Variants in DPYSL2 observed in about 807,000 individuals in gnomAD.
DPYSL2 encodes dihydropyrimidinase like 2, also known as dihydropyrimidinase-related protein 2.
A neutral mutation model predicts 69.9 loss-of-function variants in DPYSL2; 13 were observed. The ratio of observed to expected loss-of-function variants is 0.19; its 90% CI spans 0.12 to 0.30. The LOEUF is 0.30. Among genes scored for constraint, DPYSL2 ranks in the 10% least tolerant of loss-of-function variants. The pLI is 1.00. For synonymous variants in DPYSL2, 326 were observed against 359.1 expected, an observed-to-expected ratio of 0.91 and a Z score of 1.04; for missense variants, 587 against 918.9, an observed-to-expected ratio of 0.64 and a Z score of 4.67.
At chr8:26,628,952 A>G (rs1802677222) in intron 7 of DPYSL2, among the ~76,000 whole-genome samples, 1 of 152,132 alleles carries the variant, frequency 6.6e-6, no homozygotes, top group African/African-American at 2.4e-5. Context: ...AAGGAAGTGG[A>G]TTCAGGAGGG....
At chr8:26,577,221 C>T (rs1801369938) in intron 1 of DPYSL2, 1 of 419,938 alleles carries the variant, frequency 2.4e-6, no homozygotes, top group African/African-American at 2.2e-5. Flanking sequence ...TCCCCCCGGC[C>T]CGCGCCCATT....
Position 26,587,339 on chromosome 8 carries a change from CT to C in DPYSL2, c.628+3357del, listed in dbSNP as rs1189365687. ...GAAGTGAATTGGTACAAAAATCTCCCTCTTCCTCCCAACTCCCCGCCACCCC... is the reference window on the plus strand; with the variant it reads ...GAAGTGAATTGGTACAAAAATCTCCCCTTCCTCCCAACTCCCCGCCACCCC... On this transcript the variant is annotated intron_variant, in intron 3 of 13. Coordinates refer to ENST00000521913, the MANE Select transcript of DPYSL2 (RefSeq NM_001197293.3). The surrounding 1 kb of genome is among the most constrained non-coding windows in gnomAD (Gnocchi z 4.2). 1.3e-5 allele frequency among the ~76,000 whole-genome samples: 2 copies of C among 152,186 alleles called. No homozygotes were observed. The highest frequency in any genetic ancestry group is 6.5e-5 in the Admixed American group (1 of 15,278).
chr8:26,566,242 G>A, intron 1 of DPYSL2, among the ~76,000 whole-genome samples: 1 of 152,180 alleles, frequency 6.6e-6, no homozygotes, highest in East Asian at 1.9e-4. Context: ...AAGTCAGACA[G>A]ATCTTAGAGG....
chr8:26,588,633 G>A lies in DPYSL2; in HGVS notation c.628+4650G>A, dbSNP rs1324919381. Among the ~76,000 whole-genome samples the A allele has an allele frequency of 2.6e-5, 4 of 152,084 alleles. No homozygotes were observed. Among genetic ancestry groups the A allele is most frequent in the Non-Finnish European group, 5.9e-5 (4 of 68,020 alleles). ...GATGGGGACTGGACTCTAGCAGGGA[G>A]GAGGAGGGGAGGTGCTGCTGCCGCA... On this transcript the variant is annotated intron_variant, in intron 3 of 13. Transcript: ENST00000521913. The surrounding 1 kb of genome is among the most constrained non-coding windows in gnomAD (Gnocchi z 5.4).
rs1374644676 is a variant in DPYSL2, at chr8:26,647,907, A to T, written c.1596+107A>T. ...CTAAAAAGAACTTGCTGTGATGGGA[A>T]TGCGCTCGACTGAGGATGTTATGAT... On this transcript the variant is annotated intron_variant, in intron 11 of 13. Transcript: ENST00000521913. This position sits in a 1 kb window ranked among gnomAD's most constrained non-coding sequence, Gnocchi z 5.1. 2.2e-6 allele frequency: 3 copies of T among 1,345,140 alleles called. No homozygotes were observed. Among genetic ancestry groups the T allele is most frequent in the Non-Finnish European group, 2.0e-6 (2 of 990,528 alleles). The allele number at this position is 1,345,140 out of a possible 1,614,324, so 83.3% of individuals were successfully genotyped here.
chr8:26,572,658 C>T (rs1411411483), intron 1 of DPYSL2, among the ~76,000 whole-genome samples: 1 of 152,150 alleles, frequency 6.6e-6, no homozygotes. Flanking sequence ...CCCTACCACG[C>T]CCAGCTAGTT....
intron 1 of DPYSL2, among the ~76,000 whole-genome samples, chr8:26,523,839 C>G (rs1405853679): frequency 6.6e-6 from 1 of 152,018 alleles, no homozygotes; most frequent in African/African-American, 2.4e-5. Context: ...AATTTCTTTC[C>G]TTTTTAAGGC....
Position 26,640,287 on chromosome 8 carries a change from C to T in DPYSL2, c.1127-3152C>T, listed in dbSNP as rs188537823. Reference sequence around the variant, plus strand: ...GCTCCCATCCCCTGCAGTTCTTGGCCTTATAGAGAGCCTGCCAGAGGCTGG... The same window carrying T: ...GCTCCCATCCCCTGCAGTTCTTGGCTTTATAGAGAGCCTGCCAGAGGCTGG... On this transcript the variant is annotated intron_variant, in intron 8 of 13. Transcript: ENST00000521913. The surrounding 1 kb of genome is among the most constrained non-coding windows in gnomAD (Gnocchi z 4.2). 5.0e-4 allele frequency among the ~76,000 whole-genome samples: 76 copies of T among 152,308 alleles called. No homozygotes were observed. Among genetic ancestry groups the T allele is most frequent in the African/African-American group, 1.7e-3 (72 of 41,562 alleles).
At chr8:26,595,145 C>T (rs1302704992) in intron 3 of DPYSL2, among the ~76,000 whole-genome samples, 2 of 150,892 alleles carry the variant, frequency 1.3e-5, no homozygotes, top group Non-Finnish European at 2.9e-5. Context: ...ATTGCTTGAG[C>T]CCCAGAGTTT....
Position 26,658,045 on chromosome 8 carries a change from T to C in DPYSL2, c.*2339T>C, listed in dbSNP as rs1803433069. The C allele has an allele frequency of 6.6e-6, 1 of 151,184 alleles. No individual in the cohort carries two copies. Among genetic ancestry groups the C allele is most frequent in the African/African-American group, 2.4e-5 (1 of 41,094 alleles). 9.4% of individuals were successfully genotyped at this position (151,184 alleles called of 1,614,324 possible). On this transcript the variant is annotated 3_prime_UTR_variant, in exon 14 of 14. Coordinates refer to ENST00000521913, the MANE Select transcript of DPYSL2 (RefSeq NM_001197293.3). The surrounding 1 kb of genome is among the most constrained non-coding windows in gnomAD (Gnocchi z 4.7). ...TAAAGTGTGTAGCCAGAAGAGTACT[T>C]TTTTTTTTGTAACCACTGTCTTGAT...
chr8:26,529,833 G>A (rs1360183343), intron 1 of DPYSL2, among the ~76,000 whole-genome samples: 4 of 150,714 alleles, frequency 2.7e-5, no homozygotes, highest in South Asian at 2.1e-4. Context: ...AACTGGGGCC[G>A]GGCACGGTGG....
In DPYSL2 at chr8:26,641,129, T is replaced by C. The variant is rs1803031424; in HGVS notation, c.1127-2310T>C. 1.3e-5 allele frequency among the ~76,000 whole-genome samples: 2 copies of C among 152,154 alleles called. No homozygotes were observed. Among genetic ancestry groups the C allele is most frequent in the South Asian group, 4.1e-4 (2 of 4,826 alleles). ...ACCAGCCCCTCCTTGTACTTAAGTTTCTAGAGGCAGGGCCGAGGAGCAGGC... is the reference window on the plus strand; with the variant it reads ...ACCAGCCCCTCCTTGTACTTAAGTTCCTAGAGGCAGGGCCGAGGAGCAGGC... On this transcript the variant is annotated intron_variant, in intron 8 of 13. Coordinates refer to ENST00000521913, the MANE Select transcript of DPYSL2 (RefSeq NM_001197293.3). This position sits in a 1 kb window ranked among gnomAD's most constrained non-coding sequence, Gnocchi z 4.1.
intron 3 of DPYSL2, among the ~76,000 whole-genome samples, chr8:26,612,953 G>A (rs1802267836): frequency 6.6e-6 from 1 of 152,224 alleles, no homozygotes; most frequent in African/African-American, 2.4e-5. Context: ...TGCCTACCTT[G>A]TTTGAGCATC....
chr8:26,530,604 A>G (rs1352310306), intron 1 of DPYSL2, among the ~76,000 whole-genome samples: 1 of 152,162 alleles, frequency 6.6e-6, no homozygotes, highest in Non-Finnish European at 1.5e-5. Context: ...CATGATCACC[A>G]GTCATTTCTT....
chr8:26,518,575 G>C (rs1808331712), intron 1 of DPYSL2, among the ~76,000 whole-genome samples: 1 of 152,132 alleles, frequency 6.6e-6, no homozygotes, highest in South Asian at 2.1e-4. Flanking sequence ...CAAAGCTGAA[G>C]TTCTGTACCC....
In DPYSL2 at chr8:26,514,913, GGTGGGGC is replaced by G. The variant is rs1808252044; in HGVS notation, c.354+240_354+246del. Among the ~76,000 whole-genome samples the G allele has an allele frequency of 6.6e-6, 1 of 152,226 alleles. No individual in the cohort carries two copies. The highest frequency in any genetic ancestry group is 2.4e-5 in the African/African-American group (1 of 41,466). The stretch of plus-strand genomic sequence containing the variant: ...TGCCCGCGTCTCCTTGAGCTTGAGA[GGTGGGGC>G]GTGGGCATAGGGAATGGGCTGATCC... On this transcript the variant is annotated intron_variant, in intron 1 of 13. Coordinates refer to ENST00000521913, the MANE Select transcript of DPYSL2 (RefSeq NM_001197293.3). This position sits in a 1 kb window ranked among gnomAD's most constrained non-coding sequence, Gnocchi z 8.4.
chr8:26,529,498 G>C (rs1438772913), intron 1 of DPYSL2, among the ~76,000 whole-genome samples: 3 of 151,714 alleles, frequency 2.0e-5, no homozygotes, highest in East Asian at 3.9e-4. Flanking sequence ...TTAATTTTTT[G>C]TAGAGACATG....
At chr8:26,622,167 C>CTTTCTT (rs1554544294) in intron 3 of DPYSL2, among the ~76,000 whole-genome samples, 3 of 74,764 alleles carry the variant, frequency 4.0e-5, no homozygotes, top group African/African-American at 9.4e-5. Flanking sequence ...CCCTCTCTCT[C>CTTTCTT]TCTTTCTTTC....
rs1041168927 is a variant in DPYSL2, at chr8:26,516,303, T to A, written c.354+1624T>A. Among the ~76,000 whole-genome samples, 1 of 152,160 alleles carries A rather than the reference T, an allele frequency of 6.6e-6. No individual in the cohort carries two copies. Among genetic ancestry groups the A allele is most frequent in the Admixed American group, 6.5e-5 (1 of 15,282 alleles). ...TAACTTATACTGAAAGCTGAGTGAG[T>A]GTGTGTGAAACACTTCCCTGTGTGA... On this transcript the variant is annotated intron_variant, in intron 1 of 13. Coordinates refer to ENST00000521913, the MANE Select transcript of DPYSL2 (RefSeq NM_001197293.3). The surrounding 1 kb of genome is among the most constrained non-coding windows in gnomAD (Gnocchi z 4.8).
Sources: gnomAD v4.1 joint callset for allele counts (sites outside exome capture counted in the v4.1 genomes callset) on GRCh38, gnomAD v4.1.1 for gene constraint, Gnocchi (gnomAD v3.1) non-coding constraint, MANE v1.5 for transcripts, NCBI Gene and HGNC (gene_info 2026-07-23, HGNC 2026-07-21) for gene names.